ZDHHC21: variants seen among roughly 807,000 people sequenced by gnomAD.
ZDHHC21 encodes the protein palmitoyltransferase ZDHHC21.
Under a neutral mutation model 34.6 loss-of-function variants are expected in ZDHHC21, and 15 were observed. That is an observed-to-expected ratio of 0.43 (90% CI 0.29 to 0.67). ZDHHC21 has a LOEUF of 0.67. Among genes scored for constraint, ZDHHC21 ranks in the 30% least tolerant of loss-of-function variants. ZDHHC21 has a pLI of 0.14. For synonymous variants in ZDHHC21, 142 were observed against 101.8 expected, an observed-to-expected ratio of 1.40 and a Z score of -2.38; for missense variants, 344 against 327.7, an observed-to-expected ratio of 1.05 and a Z score of -0.38.
At chr9:14,628,051 T>C (rs968317702) in intron 8 of ZDHHC21, among the ~76,000 whole-genome samples, 8 of 152,304 alleles carry the variant, frequency 5.3e-5, no homozygotes, top group African/African-American at 1.7e-4. Context: ...CCAATATAAA[T>C]TGTAGTAAAA....
intron 8 of ZDHHC21, among the ~76,000 whole-genome samples, chr9:14,627,882 C>A (rs2133541365): frequency 6.6e-6 from 1 of 152,102 alleles, no homozygotes; most frequent in East Asian, 1.9e-4. Context: ...CAGACAACAT[C>A]AATTACATTA....
intron 3 of ZDHHC21, among the ~76,000 whole-genome samples, chr9:14,675,985 T>C (rs189712575): frequency 4.9e-4 from 75 of 151,892 alleles, no homozygotes; most frequent in African/African-American, 1.6e-3. Context: ...GGAGAGTGAG[T>C]GCTAAGAAAT....
chr9:14,670,213 T>G (rs1289218340), intron 5 of ZDHHC21, among the ~76,000 whole-genome samples: 3 of 152,100 alleles, frequency 2.0e-5, no homozygotes, highest in African/African-American at 7.2e-5. Context: ...GCATATAATA[T>G]CCTAGAGAAT....
chr9:14,653,841 G>C (rs1018984151), intron 7 of ZDHHC21, among the ~76,000 whole-genome samples: 1 of 151,986 alleles, frequency 6.6e-6, no homozygotes, highest in Non-Finnish European at 1.5e-5. Flanking sequence ...TGAGGAAACA[G>C]TTCGTATGAG....
chr9:14,598,615 T>C, the ZDHHC21 span, among the ~76,000 whole-genome samples: 2 of 151,580 alleles, frequency 1.3e-5, no homozygotes, highest in South Asian at 2.1e-4. Flanking sequence ...AAGAAAAAAA[T>C]ATCTATGAAA....
rs138833579 is a variant in ZDHHC21, at chr9:14,678,500, A to C, written c.-46+1533T>G. On this transcript the variant is annotated intron_variant, in intron 3 of 9. Transcript: ENST00000380916. ...GGTACATTTTTCATCTACTGTATTGAAAAACTTTTAGAAAGATGATATCCA... is the reference window on the plus strand; with the variant it reads ...GGTACATTTTTCATCTACTGTATTGCAAAACTTTTAGAAAGATGATATCCA... Among the ~76,000 whole-genome samples the C allele has an allele frequency of 1.3e-3, 205 of 152,230 alleles. 1 individual carries two copies. Among genetic ancestry groups the C allele is most frequent in the South Asian group, 3.1e-3 (15 of 4,824 alleles).
rs554840799 is a variant in ZDHHC21 at position 14,616,741 on chromosome 9, T to G, written c.*2225A>C. On this transcript the variant is annotated 3_prime_UTR_variant, in exon 10 of 10. Transcript: ENST00000380916. ...AGATATACTGTAATATACATTCTTATGTATATATACTGATAGATAGCATTT... is the reference window on the plus strand; with the variant it reads ...AGATATACTGTAATATACATTCTTAGGTATATATACTGATAGATAGCATTT... 2.0e-5 allele frequency: 3 copies of G among 151,856 alleles called. No homozygotes were observed. Among genetic ancestry groups the G allele is most frequent in the Non-Finnish European group, 4.4e-5 (3 of 67,808 alleles). 9.4% of individuals were successfully genotyped at this position (151,856 alleles called of 1,614,324 possible).
intron 7 of ZDHHC21, among the ~76,000 whole-genome samples, chr9:14,651,469 G>C (rs895510737): frequency 6.6e-5 from 10 of 151,846 alleles, no homozygotes; most frequent in African/African-American, 2.4e-4. Flanking sequence ...TTTGTGATTG[G>C]ACAAGGTATT....
intron 8 of ZDHHC21, among the ~76,000 whole-genome samples, chr9:14,623,617 A>C (rs935571700): frequency 9.3e-5 from 14 of 150,674 alleles, no homozygotes; most frequent in African/African-American, 3.4e-4. Context: ...AATACCCAGA[A>C]TACATAAGGA....
chr9:14,654,801 T>C (rs554505571), intron 7 of ZDHHC21, among the ~76,000 whole-genome samples: 2 of 151,918 alleles, frequency 1.3e-5, no homozygotes, highest in East Asian at 1.9e-4. Context: ...TAATAGGAAA[T>C]ATCCAGAATG....
intron 1 of ZDHHC21, among the ~76,000 whole-genome samples, chr9:14,690,680 A>G (rs1412016433): frequency 1.3e-5 from 2 of 152,210 alleles, no homozygotes; most frequent in East Asian, 1.9e-4. Context: ...AAACAAACAC[A>G]TAAAGTACCA....
intron 5 of ZDHHC21, among the ~76,000 whole-genome samples, chr9:14,669,998 G>C (rs1201194331): frequency 1.3e-5 from 2 of 149,608 alleles, no homozygotes; most frequent in Non-Finnish European, 3.0e-5. Flanking sequence ...AAAACTTAAA[G>C]TATAATAAAA....
intron 2 of ZDHHC21, chr9:14,683,470 G>A (rs1381036212): frequency 6.6e-6 from 1 of 152,044 alleles, no homozygotes; most frequent in Admixed American, 6.6e-5. Context: ...TAAATTCCTG[G>A]ACACATACAC....
At chr9:14,598,435 T>C in the ZDHHC21 span, among the ~76,000 whole-genome samples, 18 of 152,122 alleles carry the variant, frequency 1.2e-4, no homozygotes, top group Non-Finnish European at 1.0e-4. Context: ...ACACTATAGA[T>C]ACATCTATAG....
intron 2 of ZDHHC21, among the ~76,000 whole-genome samples, chr9:14,688,945 G>GA (rs1270841897): frequency 6.6e-6 from 1 of 152,156 alleles, no homozygotes; most frequent in Non-Finnish European, 1.5e-5. Flanking sequence ...TTGGGAGGCT[G>GA]AAGTGGGAGG....
intron 8 of ZDHHC21, among the ~76,000 whole-genome samples, chr9:14,620,951 C>T (rs1161248913): frequency 1.3e-5 from 2 of 151,980 alleles, no homozygotes; most frequent in Admixed American, 6.6e-5. Context: ...CCTTTCTCTG[C>T]TCCGTTGCAA....
At chr9:14,658,505 C>T (rs1252126014) in intron 7 of ZDHHC21, among the ~76,000 whole-genome samples, 2 of 106,320 alleles carry the variant, frequency 1.9e-5, no homozygotes, top group Non-Finnish European at 3.4e-5. Context: ...CGGAGTCTCG[C>T]TGTCGCCCAG....
chr9:14,691,472 C>A (rs901581442), intron 1 of ZDHHC21, among the ~76,000 whole-genome samples: 6 of 152,086 alleles, frequency 3.9e-5, no homozygotes, highest in African/African-American at 1.4e-4. Context: ...TCGGTCATTA[C>A]GAATTAAAGA....
chr9:14,653,558 T>C (rs1831634470), intron 7 of ZDHHC21, among the ~76,000 whole-genome samples: 3 of 152,006 alleles, frequency 2.0e-5, no homozygotes, highest in South Asian at 2.1e-4. Context: ...AAGGGTTTTG[T>C]TGTTTTTTTT....
Sources: allele counts gnomAD v4.1 joint callset (sites outside exome capture counted in the v4.1 genomes callset), GRCh38; gene constraint gnomAD v4.1.1; transcripts MANE v1.5; gene names NCBI Gene and HGNC (gene_info 2026-07-23, HGNC 2026-07-21).